Variants in CNTN5 observed in about 807,000 individuals in gnomAD.
CNTN5 encodes the protein contactin-5.
CNTN5 carries 77 observed loss-of-function variants against 129.1 expected under a neutral mutation model. That is an observed-to-expected ratio of 0.60 (90% CI 0.50 to 0.72). The LOEUF (loss-of-function observed/expected upper bound fraction) is 0.72, where lower values mean the gene tolerates loss of function less well. CNTN5 is among the 30% of genes least tolerant of loss of function. CNTN5 has a pLI of 0.00. For synonymous variants in CNTN5, 509 were observed against 465.6 expected, an observed-to-expected ratio of 1.09 and a Z score of -1.20; for missense variants, 1,478 against 1,328.8, an observed-to-expected ratio of 1.11 and a Z score of -1.75.
chr11:99,074,362 C>T (rs1865473785), intron 1 of CNTN5, among the ~76,000 whole-genome samples: 1 of 152,118 alleles, frequency 6.6e-6, no homozygotes, highest in Non-Finnish European at 1.5e-5. Flanking sequence ...CTTTGCTGAG[C>T]AGAAGCTGTT....
intron 7 of CNTN5, among the ~76,000 whole-genome samples, chr11:99,922,667 TATTGGAACA>T (rs1670918758): frequency 6.6e-6 from 1 of 152,220 alleles, no homozygotes; most frequent in Non-Finnish European, 1.5e-5. Context: ...TTATTTTATC[TATTGGAACA>T]ATACAATGTA....
chr11:99,731,116 CT>C lies in CNTN5; in HGVS notation c.56-88418del, dbSNP rs200763930. On this transcript the variant is annotated intron_variant, in intron 3 of 24. Coordinates refer to ENST00000524871, the MANE Select transcript of CNTN5 (RefSeq NM_014361.4). ...ACCTGGAAATCAGCATTTTTTTTTT[CT>C]TTTTTTTTTGAGACGGAGTCTTGCT... Among the ~76,000 whole-genome samples the C allele has an allele frequency of 8.2e-5, 12 of 146,806 alleles. No individual in the cohort carries two copies. In the East Asian group the frequency reaches 1.0e-3, roughly 12 times the overall value.
chr11:99,116,903 T>C (rs1858070655), intron 1 of CNTN5, among the ~76,000 whole-genome samples: 1 of 152,198 alleles, frequency 6.6e-6, no homozygotes, highest in Non-Finnish European at 1.5e-5. Flanking sequence ...AAATATGGAA[T>C]GCAGTACTGG....
intron 13 of CNTN5, among the ~76,000 whole-genome samples, chr11:100,177,563 G>A (rs1948006218): frequency 6.6e-6 from 1 of 152,074 alleles, no homozygotes; most frequent in Non-Finnish European, 1.5e-5. Context: ...CAGCCATTCA[G>A]TGAACTAATT....
chr11:100,262,204 A>G (rs1017952246), intron 17 of CNTN5, among the ~76,000 whole-genome samples: 2 of 152,240 alleles, frequency 1.3e-5, no homozygotes, highest in African/African-American at 4.8e-5. Flanking sequence ...AAAGCTCATC[A>G]TCACTGGTCA....
At chr11:99,537,618 C>T (rs189313561) in intron 2 of CNTN5, among the ~76,000 whole-genome samples, 3 of 152,244 alleles carry the variant, frequency 2.0e-5, no homozygotes, top group Non-Finnish European at 4.4e-5. Context: ...GTAAGTACTA[C>T]CAACCCCACC....
chr11:99,030,106 C>A (rs1863295831), intron 1 of CNTN5, among the ~76,000 whole-genome samples: 1 of 152,096 alleles, frequency 6.6e-6, no homozygotes, highest in South Asian at 2.1e-4. Context: ...TCAGGTTTAA[C>A]CCAGGTGTTT....
At chr11:99,310,402 C>G (rs755102663) in intron 1 of CNTN5, among the ~76,000 whole-genome samples, 6 of 151,712 alleles carry the variant, frequency 4.0e-5, no homozygotes, top group Non-Finnish European at 8.8e-5. Flanking sequence ...AAACTTGATG[C>G]GTGATAAATT....
Position 99,844,893 on chromosome 11 carries a change from G to C in CNTN5, c.319G>C (p.Asp107His). ...YGPVFVQEPD[D>H]IIFPTDSDEK... is the part of the protein sequence containing the mutation. ...GCCAGTTTTTGTGCAAGAACCAGAT[G>C]ATATTATTTTTCCAACTGATTCTGA... Residue 107 changes from aspartate to histidine, a missense_variant, in exon 5 of 25, where the codon GAT becomes CAT. Physicochemically the swap from Asp to His is moderately conservative, Grantham distance 81 (BLOSUM62 -1). Coordinates refer to ENST00000524871, the MANE Select transcript of CNTN5 (RefSeq NM_014361.4). 1 of 1,613,710 alleles carries C rather than the reference G, an allele frequency of 6.2e-7. No individual in the cohort carries two copies. Among genetic ancestry groups the C allele is most frequent in the African/African-American group, 1.3e-5 (1 of 75,032 alleles).
chr11:100,020,956 G>T (rs1345581687), intron 9 of CNTN5, among the ~76,000 whole-genome samples: 1 of 152,024 alleles, frequency 6.6e-6, no homozygotes, highest in Non-Finnish European at 1.5e-5. Context: ...CTCTGTTCAT[G>T]GATTGAAAGA....
chr11:100,290,548 A>G (rs1363710109), intron 18 of CNTN5, among the ~76,000 whole-genome samples: 5 of 142,458 alleles, frequency 3.5e-5, no homozygotes, highest in Non-Finnish European at 4.6e-5. Flanking sequence ...AAAACTGGCT[A>G]GCCATATGTA....
intron 1 of CNTN5, among the ~76,000 whole-genome samples, chr11:99,100,862 A>G (rs1425069574): frequency 6.6e-6 from 1 of 152,230 alleles, no homozygotes; most frequent in Non-Finnish European, 1.5e-5. Context: ...ACATAGAACT[A>G]TCTCTGATGA....
intron 1 of CNTN5, among the ~76,000 whole-genome samples, chr11:99,225,938 A>T (rs1299740082): frequency 1.3e-5 from 2 of 152,106 alleles, no homozygotes; most frequent in African/African-American, 2.4e-5. Context: ...ATTTATTTTG[A>T]CTCATAATAA....
At chr11:99,480,929 G>A (rs192621585) in intron 2 of CNTN5, among the ~76,000 whole-genome samples, 1 of 152,204 alleles carries the variant, frequency 6.6e-6, no homozygotes, top group East Asian at 1.9e-4. Flanking sequence ...AGAATTCATT[G>A]GGGATATTGT....
At chr11:100,148,142 A>G (rs1279821032) in intron 13 of CNTN5, among the ~76,000 whole-genome samples, 1 of 152,070 alleles carries the variant, frequency 6.6e-6, no homozygotes, top group Non-Finnish European at 1.5e-5. Context: ...TAATTTTTAA[A>G]AACTGTAACT....
chr11:100,246,411 AT>A (rs1423582413), intron 16 of CNTN5, among the ~76,000 whole-genome samples: 3 of 152,038 alleles, frequency 2.0e-5, no homozygotes, highest in Non-Finnish European at 4.4e-5. Context: ...TCTTTAGATC[AT>A]TTTTTCTTGA....
intron 3 of CNTN5, among the ~76,000 whole-genome samples, chr11:99,678,315 T>C (rs1365830341): frequency 6.6e-6 from 1 of 151,744 alleles, no homozygotes; most frequent in Non-Finnish European, 1.5e-5. Flanking sequence ...GCAAAAAATG[T>C]TACAAAGAAG....
chr11:100,204,295 C>CA (rs61016967), intron 15 of CNTN5, among the ~76,000 whole-genome samples: 1,420 of 27,598 alleles, frequency 0.051, 183 homozygotes, highest in South Asian at 0.16. Context: ...CAAACATTGA[C>CA]TAATATATAT....
chr11:99,527,239 C>A (rs1208305360), intron 2 of CNTN5, among the ~76,000 whole-genome samples: 3 of 152,230 alleles, frequency 2.0e-5, no homozygotes, highest in African/African-American at 4.8e-5. Context: ...GGATTATAAT[C>A]TATCTAACAT....
Sources: allele counts gnomAD v4.1 joint callset (sites outside exome capture counted in the v4.1 genomes callset), GRCh38; gene constraint gnomAD v4.1.1; transcripts MANE v1.5; gene names NCBI Gene and HGNC (gene_info 2026-07-23, HGNC 2026-07-21).